STRADB: variants seen among roughly 807,000 people sequenced by gnomAD.
STRADB encodes STE20 related adaptor beta.
A neutral mutation model predicts 52.1 loss-of-function variants in STRADB; 34 were observed. The observed-to-expected ratio is 0.65, with a 90% CI of 0.50 to 0.87. The LOEUF is 0.87. Among genes scored for constraint, STRADB ranks in the 40% least tolerant of loss-of-function variants. STRADB has a pLI of 0.00. For synonymous variants in STRADB, 133 were observed against 174.5 expected (o/e 0.76, Z 1.87); for missense variants, 340 against 483.9 (o/e 0.70, Z 2.79).
At chr2:201,456,499 T>C (rs1167516559) in intron 2 of STRADB, among the ~76,000 whole-genome samples, 1 of 152,240 alleles carries the variant, frequency 6.6e-6, no homozygotes, top group Non-Finnish European at 1.5e-5. Context: ...GTGATTTATA[T>C]CGTTAATGAT....
intron 6 of STRADB, 26 bp from the exon 7 acceptor site, chr2:201,475,593 C>G: frequency 6.2e-7 from 1 of 1,611,446 alleles, no homozygotes; most frequent in Non-Finnish European, 8.5e-7. Flanking sequence ...CAATGTTCAT[C>G]TAAGGATTTT....
intron 3 of STRADB, among the ~76,000 whole-genome samples, chr2:201,461,214 G>A (rs1292208062): frequency 1.3e-5 from 2 of 151,866 alleles, no homozygotes; most frequent in Non-Finnish European, 2.9e-5. Context: ...TTTAGAGATG[G>A]CATCTTGCTT....
At chr2:201,472,857 A>G in intron 4 of STRADB, 98 bp from the exon 5 acceptor site, 1 of 1,223,398 alleles carries the variant, frequency 8.2e-7, no homozygotes, top group Non-Finnish European at 1.1e-6. Flanking sequence ...TCTTAACAGT[A>G]CTTTTTGAAG....
At chr2:201,477,888 C>T (rs898296073) in intron 8 of STRADB, 98 bp downstream of exon 8, 1 of 1,409,500 alleles carries the variant, frequency 7.1e-7, no homozygotes, top group African/African-American at 1.4e-5. Context: ...TGGTGAATGG[C>T]CTTCTGCAAG....
chr2:201,460,815 G>A, intron 3 of STRADB: 2 of 366,870 alleles, frequency 5.5e-6, no homozygotes, highest in Non-Finnish European at 1.2e-5. Context: ...CAGTAGTGCT[G>A]CAATAAACAT....
chr2:201,460,592 C>A (rs1244823736), intron 3 of STRADB, among the ~76,000 whole-genome samples: 1 of 152,104 alleles, frequency 6.6e-6, no homozygotes. Context: ...ATTTTTAGCT[C>A]CCACAGGTGA....
intron 2 of STRADB, chr2:201,457,259 A>T (rs1952141714): frequency 2.0e-5 from 3 of 152,196 alleles, no homozygotes; most frequent in African/African-American, 7.2e-5. Flanking sequence ...AAATGTTGTA[A>T]AAATATATAA....
In STRADB at chr2:201,479,497, C is replaced by A. The variant is rs1296293743; in HGVS notation, c.1079C>A (p.Ala360Glu). Residue 360 changes from alanine to glutamate, a missense_variant, in exon 11 of 12, where the codon GCA becomes GAA. Physicochemically the swap from Ala to Glu is moderately radical, Grantham distance 107 (BLOSUM62 -1). Transcript: ENST00000194530. Reference sequence around the variant, plus strand: ...TTTCTTAAAAATTTCAGGCCATCAGCAAGCAGTTTATTGTCCCATGTTTTC... The same window carrying A: ...TTTCTTAAAAATTTCAGGCCATCAGAAAGCAGTTTATTGTCCCATGTTTTC... ...LQQDPEKRPSASSLLSHVFFK... is the reference protein window; with the variant it reads ...LQQDPEKRPSESSLLSHVFFK... 6 of 1,601,302 alleles carry A rather than the reference C, an allele frequency of 3.7e-6. No individual in the cohort carries two copies. Among genetic ancestry groups the A allele is most frequent in the Non-Finnish European group, 5.1e-6 (6 of 1,177,110 alleles).
At chr2:201,468,307 C>T (rs1017211478) in intron 3 of STRADB, among the ~76,000 whole-genome samples, 5 of 151,936 alleles carry the variant, frequency 3.3e-5, no homozygotes, top group African/African-American at 1.2e-4. Flanking sequence ...CTTAGTAAAT[C>T]TGAGTTGTCT....
At chr2:201,477,476 C>A in intron 7 of STRADB, 143 bp from the exon 8 acceptor site, 2 of 725,198 alleles carry the variant, frequency 2.8e-6, no homozygotes, top group Non-Finnish European at 4.5e-6. Flanking sequence ...AGCAGTTTTG[C>A]AGTACTGTTT....
intron 3 of STRADB, among the ~76,000 whole-genome samples, chr2:201,462,643 A>C (rs1952233616): frequency 6.6e-6 from 1 of 152,160 alleles, no homozygotes; most frequent in Non-Finnish European, 1.5e-5. Flanking sequence ...GATTGCAAAA[A>C]CAAACAGGCG....
At chr2:201,478,291 T>TTTA (rs1338069907) in intron 9 of STRADB, 66 bp from the exon 10 acceptor site, 9 of 1,599,230 alleles carry the variant, frequency 5.6e-6, no homozygotes, top group Non-Finnish European at 7.7e-6. Flanking sequence ...TCTTAGGAGC[T>TTTA]TTATTGTTGT....
At chr2:201,464,916 G>A (rs1952275060) in intron 3 of STRADB, among the ~76,000 whole-genome samples, 3 of 152,182 alleles carry the variant, frequency 2.0e-5, no homozygotes, top group Admixed American at 2.0e-4. Flanking sequence ...TATTGCCAGT[G>A]TTCACTTGAG....
intron 3 of STRADB, among the ~76,000 whole-genome samples, chr2:201,459,855 CTTCT>C (rs1339222111): frequency 7.0e-6 from 1 of 143,332 alleles, no homozygotes; most frequent in Non-Finnish European, 1.6e-5. Context: ...TTGAGATACT[CTTCT>C]TTCTTTTCTG....
At chr2:201,475,804 G>A (rs1337603495) in intron 7 of STRADB, 62 bp downstream of exon 7, 5 of 1,517,872 alleles carry the variant, frequency 3.3e-6, no homozygotes, top group Non-Finnish European at 4.4e-6. Context: ...TTTGAAGGAG[G>A]TTTTAGGAAG....
At chr2:201,453,627 C>A (rs1159269554) in intron 1 of STRADB, among the ~76,000 whole-genome samples, 1 of 152,122 alleles carries the variant, frequency 6.6e-6, no homozygotes, top group Non-Finnish European at 1.5e-5. Flanking sequence ...CATTTGACAA[C>A]CTGCTTTCCA....
Position 201,472,953 on chromosome 2 carries a change from A to G in STRADB, c.194-2A>G. ...TAACATGAGTTTTATGTCTGATTAC[A>G]GGAAGAGGATTTGACAACTTGACTT... On this transcript the variant is annotated splice_acceptor_variant, in intron 4 of 11. Coordinates refer to ENST00000194530, the MANE Select transcript of STRADB (RefSeq NM_018571.6). LOFTEE classifies it high-confidence loss of function. The G allele has an allele frequency of 1.9e-6, 3 of 1,598,492 alleles. No homozygotes were observed. The highest frequency in any genetic ancestry group is 1.7e-5 in the Admixed American group (1 of 57,568).
At chr2:201,453,194 G>T (rs909265972) in intron 1 of STRADB, among the ~76,000 whole-genome samples, 3 of 152,146 alleles carry the variant, frequency 2.0e-5, no homozygotes, top group Non-Finnish European at 4.4e-5. Flanking sequence ...TTACCAGATT[G>T]TGTCTGTTTC....
chr2:201,459,456 A>G (rs916123209), intron 3 of STRADB, among the ~76,000 whole-genome samples: 2 of 152,044 alleles, frequency 1.3e-5, no homozygotes, highest in African/African-American at 4.8e-5. Flanking sequence ...TCTAATGAAA[A>G]CTCATCTACT....
Sources: gnomAD v4.1 joint callset for allele counts (sites outside exome capture counted in the v4.1 genomes callset) on GRCh38, gnomAD v4.1.1 for gene constraint, MANE v1.5 for transcripts, NCBI Gene and HGNC (gene_info 2026-07-23, HGNC 2026-07-21) for gene names.